The following WFDC1 variants were observed in gnomAD, a reference collection of about 807,000 sequenced individuals.
The protein encoded by WFDC1 is WAP four-disulfide core domain protein 1.
In WFDC1, 39 loss-of-function variants were observed where a neutral mutation model predicts 32.9. The observed-to-expected ratio is 1.19, with a 90% CI of 0.92 to 1.55. The LOEUF (loss-of-function observed/expected upper bound fraction) is 1.55, where lower values mean the gene tolerates loss of function less well. Among genes scored for constraint, WFDC1 ranks in the 40% most tolerant of loss-of-function variants. The probability of loss-of-function intolerance (pLI) is 0.00; values close to 1 mark genes in which losing one functional copy is unlikely to be tolerated. For synonymous variants in WFDC1, 184 were observed against 137.4 expected (o/e 1.34, Z -2.37); for missense variants, 386 against 309.5 (o/e 1.25, Z -1.85).
At chr16:84,300,943 C>A (rs1211062630) in intron 1 of WFDC1, among the ~76,000 whole-genome samples, 2 of 151,586 alleles carry the variant, frequency 1.3e-5, no homozygotes, top group African/African-American at 4.9e-5. Flanking sequence ...CCATTGCACT[C>A]CAGCCTGGGC....
At chr16:84,310,817 A>G (rs1907571719) in intron 1 of WFDC1, among the ~76,000 whole-genome samples, 1 of 152,118 alleles carries the variant, frequency 6.6e-6, no homozygotes, top group Non-Finnish European at 1.5e-5. Flanking sequence ...TTTTGCCAAC[A>G]CCTTAAAGGC....
chr16:84,316,518 G>C (rs908647334), intron 2 of WFDC1: 1 of 152,230 alleles, frequency 6.6e-6, no homozygotes, highest in African/African-American at 2.4e-5. Flanking sequence ...CCAGCACTTT[G>C]GGAGGCCAAA....
At chr16:84,300,712 G>A (rs889948850) in intron 1 of WFDC1, among the ~76,000 whole-genome samples, 7 of 152,220 alleles carry the variant, frequency 4.6e-5, no homozygotes, top group African/African-American at 1.4e-4. Context: ...GCCCACGCCT[G>A]TAATTCCAGC....
intron 1 of WFDC1, among the ~76,000 whole-genome samples, chr16:84,303,940 T>G (rs1907094996): frequency 2.0e-5 from 3 of 152,234 alleles, no homozygotes. Context: ...ATTTGGTGTC[T>G]GGCTTATTCA....
chr16:84,311,389 TTTTC>T (rs1047473559), intron 1 of WFDC1, among the ~76,000 whole-genome samples: 33 of 120,400 alleles, frequency 2.7e-4, no homozygotes, highest in African/African-American at 9.0e-4. Flanking sequence ...GGCTAATTTT[TTTTC>T]TTTTTTTTGT....
At chr16:84,299,659 C>A (rs1906818265) in intron 1 of WFDC1, among the ~76,000 whole-genome samples, 1 of 152,240 alleles carries the variant, frequency 6.6e-6, no homozygotes, top group Non-Finnish European at 1.5e-5. Flanking sequence ...CCCATGGCAG[C>A]CACCATGCGG....
intron 5 of WFDC1, 144 bp downstream of exon 5, chr16:84,324,604 C>T (rs775443715): frequency 3.4e-6 from 3 of 894,496 alleles, no homozygotes; most frequent in Non-Finnish European, 5.1e-6. Flanking sequence ...AATAGAAGAC[C>T]TGTGGTCTGA....
rs1458150873 is a variant in WFDC1 at position 84,324,400 on chromosome 16, C to T, written c.563-19C>T. The stretch of plus-strand genomic sequence containing the variant: ...TCTAAACTCCTAAAAGAAGTTTTTT[C>T]CTCTCACTTGTTTTCCAGATGGGCG... On this transcript the variant is annotated intron_variant, in intron 4 of 6. Transcript: ENST00000219454. 1.2e-6 allele frequency: 2 copies of T among 1,610,644 alleles called. No individual in the cohort carries two copies. The highest frequency in any genetic ancestry group is 2.2e-5 in the East Asian group (1 of 44,856).
intron 1 of WFDC1, among the ~76,000 whole-genome samples, chr16:84,308,134 CT>C (rs1047684471): frequency 4.6e-5 from 7 of 152,156 alleles, no homozygotes; most frequent in African/African-American, 1.7e-4. Context: ...AGGGGCCCCC[CT>C]CCCAGGCTTT....
At chr16:84,299,386 C>CA (rs113709567) in intron 1 of WFDC1, among the ~76,000 whole-genome samples, 1,725 of 129,390 alleles carry the variant, frequency 0.013, 18 homozygotes, top group African/African-American at 0.041. Context: ...AAACAAAAAG[C>CA]AAAAAAAAAA....
chr16:84,323,308 T>C (rs568728932), intron 4 of WFDC1, among the ~76,000 whole-genome samples: 6 of 152,316 alleles, frequency 3.9e-5, no homozygotes, highest in African/African-American at 1.4e-4. Flanking sequence ...CTACCGCGCA[T>C]ATGTGCTTGA....
intron 1 of WFDC1, among the ~76,000 whole-genome samples, chr16:84,306,037 TAATAATAATAAA>T (rs1206906645): frequency 1.0e-4 from 11 of 106,240 alleles, no homozygotes; most frequent in African/African-American, 4.1e-4. Context: ...ATAATAATAA[TAATAATAATAAA>T]AGGAATAAAA....
intron 5 of WFDC1, 168 bp from the exon 6 acceptor site, chr16:84,326,714 C>T (rs1908622120): frequency 1.5e-6 from 1 of 673,536 alleles, no homozygotes. Context: ...GCTGGGGGGC[C>T]TGGGGAGGGA....
At position 84,329,624 on chromosome 16, in the gene WFDC1, C is replaced by T. The variant is rs1177641903; in HGVS notation, c.*318C>T. 6.6e-6 allele frequency: 1 copy of T among 152,164 alleles called. No individual in the cohort carries two copies. Among genetic ancestry groups the T allele is most frequent in the Admixed American group, 6.5e-5 (1 of 15,282 alleles). The allele number at this position is 152,164 out of a possible 1,614,324, so 9.4% of individuals were successfully genotyped here. ...GCATTTCTGAAGCCCCTTTCTAAGA[C>T]AAGGCTCAGCATCTTGATATTTTTG... On this transcript the variant is annotated 3_prime_UTR_variant, in exon 7 of 7. Transcript: ENST00000219454.
chr16:84,318,879 T>C (rs1011407955), intron 3 of WFDC1: 9 of 201,158 alleles, frequency 4.5e-5, no homozygotes, highest in African/African-American at 2.1e-4. Context: ...TATGCAACTG[T>C]GTGGCTGTCC....
intron 1 of WFDC1, among the ~76,000 whole-genome samples, chr16:84,307,314 C>A (rs1907322066): frequency 1.3e-5 from 2 of 152,190 alleles, no homozygotes; most frequent in African/African-American, 4.8e-5. Flanking sequence ...TTAGAACCCT[C>A]TTTGAGTGTC....
chr16:84,305,635 G>A (rs530675601), intron 1 of WFDC1, among the ~76,000 whole-genome samples: 8 of 152,086 alleles, frequency 5.3e-5, no homozygotes, highest in Non-Finnish European at 8.8e-5. Context: ...AGGATACAGC[G>A]GAAATGAAGA....
In WFDC1 at chr16:84,321,321, T is replaced by C. The variant is rs539511775; in HGVS notation, c.562+1750T>C. ...CAACCTTCACTGTTTTATCACTGCTTGTCTCTAGACACTCAATCCTGCCGT... is the reference window on the plus strand; with the variant it reads ...CAACCTTCACTGTTTTATCACTGCTCGTCTCTAGACACTCAATCCTGCCGT... On this transcript the variant is annotated intron_variant, in intron 4 of 6. Transcript: ENST00000219454. Among the ~76,000 whole-genome samples, 18 of 152,336 alleles carry C rather than the reference T, an allele frequency of 1.2e-4. No homozygotes were observed. The South Asian group carries it at 3.7e-3, about 32-fold the overall frequency.
Position 84,312,769 on chromosome 16 carries a change from T to C in WFDC1, c.145-192T>C, listed in dbSNP as rs139016845. Among the ~76,000 whole-genome samples, 590 of 152,306 alleles carry C rather than the reference T, an allele frequency of 3.9e-3. 1 individual carries two copies. Among genetic ancestry groups the C allele is most frequent in the Non-Finnish European group, 6.0e-3 (409 of 68,014 alleles). ...TTCAGTTATTTCGTGCCGACTGTTA[T>C]AAAAAGATACATGGTATCTTCTGAC... On this transcript the variant is annotated intron_variant, in intron 1 of 6. Coordinates refer to ENST00000219454, the MANE Select transcript of WFDC1 (RefSeq NM_021197.4).
Sources: allele counts gnomAD v4.1 joint callset (sites outside exome capture counted in the v4.1 genomes callset), GRCh38; gene constraint gnomAD v4.1.1; transcripts MANE v1.5; gene names NCBI Gene and HGNC (gene_info 2026-07-23, HGNC 2026-07-21).